WDR33: variants seen among roughly 807,000 people sequenced by gnomAD.
WDR33 encodes WD repeat domain 33.
WDR33 carries 47 observed loss-of-function variants against 164.9 expected under a neutral mutation model. The ratio of observed to expected loss-of-function variants is 0.29; its 90% CI spans 0.23 to 0.36. The LOEUF (loss-of-function observed/expected upper bound fraction) is 0.36, where lower values mean the gene tolerates loss of function less well. WDR33 is among the 10% of genes least tolerant of loss of function. WDR33 has a pLI of 1.00. For missense variants in WDR33, 1,137 were observed against 1,754.1 expected, an observed-to-expected ratio of 0.65 and a Z score of 6.28; for synonymous variants, 505 against 589.0, an observed-to-expected ratio of 0.86 and a Z score of 2.06.
chr2:127,763,311 G>T lies in WDR33; in HGVS notation c.627-152C>A, dbSNP rs566265435. ...GAAGCCCTTAAAGTGAATGTCGTCA[G>T]CTAACATAGGCATCTCATCAAAAGA... On this transcript the variant is annotated intron_variant, in intron 6 of 21. Coordinates refer to ENST00000322313, the MANE Select transcript of WDR33 (RefSeq NM_018383.5). The surrounding 1 kb of genome is among the most constrained non-coding windows in gnomAD (Gnocchi z 4.5). The T allele has an allele frequency of 2.1e-6, 3 of 1,446,012 alleles. No individual in the cohort carries two copies. The highest frequency in any genetic ancestry group is 2.9e-5 in the African/African-American group (2 of 69,954). The allele number at this position is 1,446,012 out of a possible 1,614,324, so 89.6% of individuals were successfully genotyped here. A position where few individuals can be genotyped will look rare whatever the true frequency, so the allele number is the denominator to read the frequency against.
At chr2:127,732,055 T>G (rs1273662257) in intron 7 of WDR33, among the ~76,000 whole-genome samples, 1 of 150,002 alleles carries the variant, frequency 6.7e-6, no homozygotes, top group Non-Finnish European at 1.5e-5. Context: ...GCCATTACAT[T>G]CCAGGCTGGG....
chr2:127,797,680 T>C (rs1689086962), intron 1 of WDR33, among the ~76,000 whole-genome samples: 1 of 152,124 alleles, frequency 6.6e-6, no homozygotes, highest in Admixed American at 6.5e-5. Flanking sequence ...CTAGATTTGA[T>C]GATCTCTAGA....
In WDR33 at chr2:127,711,767, TATATA is replaced by T. The variant is rs1295987791; in HGVS notation, c.3308+1811_3308+1815del. ...ACATATACAGATATATATATATATA[TATATA>T]TATATATATTTTTTTTTTGAGACAG... is the stretch of plus-strand genomic sequence containing the variant. On this transcript the variant is annotated intron_variant, in intron 18 of 21. Coordinates refer to ENST00000322313, the MANE Select transcript of WDR33 (RefSeq NM_018383.5). Among the ~76,000 whole-genome samples the T allele has an allele frequency of 1.6e-3, 141 of 90,286 alleles. 13 individuals are homozygous for T. Among genetic ancestry groups the T allele is most frequent in the African/African-American group, 0.011 (136 of 12,510 alleles). 59.2% of individuals were successfully genotyped at this position (90,286 alleles called of 152,430 possible).
intron 7 of WDR33, among the ~76,000 whole-genome samples, chr2:127,757,977 GGTGA>G (rs1400935041): frequency 6.6e-6 from 1 of 152,056 alleles, no homozygotes; most frequent in Non-Finnish European, 1.5e-5. Flanking sequence ...TAATCTGTGT[GGTGA>G]GTACGTAAGT....
chr2:127,771,791 G>A (rs1688011935), intron 1 of WDR33, among the ~76,000 whole-genome samples: 1 of 151,112 alleles, frequency 6.6e-6, no homozygotes, highest in African/African-American at 2.4e-5. Flanking sequence ...GAAGGAAGGA[G>A]GGAGGGAGGG....
At chr2:127,750,680 ATATATATATATATATAT>A (rs1687312465) in intron 7 of WDR33, among the ~76,000 whole-genome samples, 2 of 33,316 alleles carry the variant, frequency 6.0e-5, no homozygotes, top group African/African-American at 4.3e-4. Flanking sequence ...AAAAAAAAAT[ATATATATATATATATAT>A]ATATATATAT....
At position 127,714,204 on chromosome 2, in the gene WDR33, G is replaced by C. The variant is rs1397376007; in HGVS notation, c.2870-183C>G. Reference sequence around the variant, plus strand: ...TTGGGTAATAGAACAGGAGCTTTGGGGTGCAGATTTCAACTTCATCACCCA... The same window carrying C: ...TTGGGTAATAGAACAGGAGCTTTGGCGTGCAGATTTCAACTTCATCACCCA... On this transcript the variant is annotated intron_variant, in intron 17 of 21. Transcript: ENST00000322313. The surrounding 1 kb of genome is among the most constrained non-coding windows in gnomAD (Gnocchi z 4.3). Among the ~76,000 whole-genome samples, 1 of 152,118 alleles carries C rather than the reference G, an allele frequency of 6.6e-6. No homozygotes were observed. Among genetic ancestry groups the C allele is most frequent in the East Asian group, 1.9e-4 (1 of 5,198 alleles).
intron 1 of WDR33, among the ~76,000 whole-genome samples, chr2:127,784,167 G>A (rs1558954678): frequency 6.6e-6 from 1 of 151,712 alleles, no homozygotes; most frequent in Non-Finnish European, 1.5e-5. Flanking sequence ...TCTGCATTCA[G>A]TCTGCTGCAA....
In WDR33 at chr2:127,721,433, T is replaced by C. The variant is rs13426569; in HGVS notation, c.1671+403A>G. Among the ~76,000 whole-genome samples, 1,065 of 152,148 alleles carry C rather than the reference T, an allele frequency of 7.0e-3. 10 individuals carry two copies. Among genetic ancestry groups the C allele is most frequent in the African/African-American group, 0.024 (1,013 of 41,496 alleles). ...CTAATTGGGTTTTAAAAGTCCAAGA[T>C]ATGACTCAAGGAAGTCACTTAAAAA... On this transcript the variant is annotated intron_variant, in intron 15 of 21. Transcript: ENST00000322313. This position sits in a 1 kb window ranked among gnomAD's most constrained non-coding sequence, Gnocchi z 4.9.
Position 127,764,655 on chromosome 2 carries a change from G to A in WDR33, c.626+173C>T. The A allele has an allele frequency of 6.4e-7, 1 of 1,564,930 alleles. No individual in the cohort carries two copies. Among genetic ancestry groups the A allele is most frequent in the Non-Finnish European group, 8.7e-7 (1 of 1,153,884 alleles). On this transcript the variant is annotated intron_variant, in intron 6 of 21. Transcript: ENST00000322313. This position sits in a 1 kb window ranked among gnomAD's most constrained non-coding sequence, Gnocchi z 6.2. ...TACCGGGACAACACTACTTCAGAAAGGTGCCAGCAAAATGGTGAATGTGTG... is the reference window on the plus strand; with the variant it reads ...TACCGGGACAACACTACTTCAGAAAAGTGCCAGCAAAATGGTGAATGTGTG...
chr2:127,790,351 AT>A, intron 1 of WDR33, among the ~76,000 whole-genome samples: 1 of 152,212 alleles, frequency 6.6e-6, no homozygotes, highest in Admixed American at 6.5e-5. Flanking sequence ...AGTTACTAAT[AT>A]TTTGTTGTGA....
In WDR33 at chr2:127,723,448, A is replaced by T. The variant is rs1686488874; in HGVS notation, c.1197-101T>A. On this transcript the variant is annotated intron_variant, in intron 11 of 21. Coordinates refer to ENST00000322313, the MANE Select transcript of WDR33 (RefSeq NM_018383.5). The surrounding 1 kb of genome is among the most constrained non-coding windows in gnomAD (Gnocchi z 5.9). The stretch of plus-strand genomic sequence containing the variant: ...CTTGGTAAACACAACACATTTTTAC[A>T]ATTTGTTTCTTCTACAAATTTAAAA... 6.5e-6 allele frequency: 6 copies of T among 926,762 alleles called. No homozygotes were observed. In the East Asian group the frequency reaches 1.5e-4, roughly 23 times the overall value. 57.4% of individuals were successfully genotyped at this position (926,762 alleles called of 1,614,324 possible). A position where few individuals can be genotyped will look rare whatever the true frequency, so the allele number is the denominator to read the frequency against.
intron 7 of WDR33, among the ~76,000 whole-genome samples, chr2:127,750,431 G>A (rs1360540223): frequency 1.3e-5 from 2 of 151,502 alleles, no homozygotes; most frequent in Non-Finnish European, 2.9e-5. Context: ...TGAATCACTT[G>A]AGGTTAGGAG....
At position 127,709,705 on chromosome 2, in the gene WDR33, C is replaced by T; in HGVS notation, c.3460G>A (p.Gly1154Ser). ...RGRDLRGRGR[G>S]TPRGGRKGLL... ...GTAACTCGCTCACCTCGTGGGGTAC[C>T]CCGACCTCGACCTCTGAGATCTCGT... Residue 1154 changes from glycine to serine, a missense_variant, in exon 19 of 22, where the codon GGT becomes AGT. Around this residue, in one of 9 missense-constraint regions of WDR33, gnomAD observed 867 missense variants for 1,073.0 expected, o/e 0.81. Transcript: ENST00000322313. The surrounding 1 kb of genome is among the most constrained non-coding windows in gnomAD (Gnocchi z 5.0). 6.2e-7 allele frequency: 1 copy of T among 1,614,242 alleles called. No individual in the cohort carries two copies. The highest frequency in any genetic ancestry group is 2.2e-5 in the East Asian group (1 of 44,886).
At chr2:127,748,840 G>A (rs1188454149) in intron 7 of WDR33, among the ~76,000 whole-genome samples, 2 of 149,312 alleles carry the variant, frequency 1.3e-5, no homozygotes, top group African/African-American at 5.0e-5. Flanking sequence ...GATCTCCTGG[G>A]CTCAAGTGAT....
In WDR33 at chr2:127,706,598, G is replaced by C. The variant is rs750829354; in HGVS notation, c.3782-46C>G. On this transcript the variant is annotated intron_variant, in intron 21 of 21. Transcript: ENST00000322313. The surrounding 1 kb of genome is among the most constrained non-coding windows in gnomAD (Gnocchi z 5.1). The stretch of plus-strand genomic sequence containing the variant: ...CATGGGACTTTTTGTATTAGCAACT[G>C]TTTGTCAGTAACTCCCAGTACAAAC... 1 of 1,538,106 alleles carries C rather than the reference G, an allele frequency of 6.5e-7. No homozygotes were observed. The highest frequency in any genetic ancestry group is 8.9e-7 in the Non-Finnish European group (1 of 1,129,686).
chr2:127,778,066 G>A (rs1257633197), intron 1 of WDR33, among the ~76,000 whole-genome samples: 2 of 152,174 alleles, frequency 1.3e-5, no homozygotes, highest in Admixed American at 6.5e-5. Flanking sequence ...GGCCAAGGCA[G>A]GAGGATCTCT....
intron 7 of WDR33, among the ~76,000 whole-genome samples, chr2:127,734,493 T>C (rs1255060304): frequency 6.6e-6 from 1 of 152,230 alleles, no homozygotes; most frequent in Non-Finnish European, 1.5e-5. Flanking sequence ...TGACCATTAA[T>C]AGCATTAAAA....
rs1686574786 is a variant in WDR33 at position 127,726,426 on chromosome 2, C to A, written c.851+225G>T. On this transcript the variant is annotated intron_variant, in intron 8 of 21. Transcript: ENST00000322313. This position sits in a 1 kb window ranked among gnomAD's most constrained non-coding sequence, Gnocchi z 4.8. The stretch of plus-strand genomic sequence containing the variant: ...CCTCCTCCCCACCCGTATATAACAA[C>A]CAAATTAAACTTAGGTCTATGTGGC... Among the ~76,000 whole-genome samples, 1 of 152,134 alleles carries A rather than the reference C, an allele frequency of 6.6e-6. No individual in the cohort carries two copies. Among genetic ancestry groups the A allele is most frequent in the South Asian group, 2.1e-4 (1 of 4,832 alleles).
Sources: allele counts gnomAD v4.1 joint callset (sites outside exome capture counted in the v4.1 genomes callset), GRCh38; gene constraint gnomAD v4.1.1; regional missense constraint gnomAD v4.1.1; non-coding constraint Gnocchi (gnomAD v3.1); transcripts MANE v1.5; gene names NCBI Gene and HGNC (gene_info 2026-07-23, HGNC 2026-07-21).